Variants in FAM120B observed in about 807,000 individuals in gnomAD.
FAM120B encodes the protein constitutive coactivator of peroxisome proliferator-activated receptor gamma.
FAM120B carries 83 observed loss-of-function variants against 96.3 expected under a neutral mutation model. The ratio of observed to expected loss-of-function variants is 0.86; its 90% CI spans 0.72 to 1.03. The LOEUF is 1.03. FAM120B is among the 50% of genes least tolerant of loss of function. The pLI, the probability that FAM120B is intolerant of heterozygous loss-of-function variation, is 0.00. For synonymous variants in FAM120B, 407 were observed against 402.7 expected (o/e 1.01, Z -0.13); for missense variants, 1,027 against 1,121.2 (o/e 0.92, Z 1.20).
At chr6:170,402,545 C>G (rs1778642252) in intron 9 of FAM120B, among the ~76,000 whole-genome samples, 1 of 152,212 alleles carries the variant, frequency 6.6e-6, no homozygotes, top group South Asian at 2.1e-4. Flanking sequence ...CACGCGTGAC[C>G]AGGAGAGCAG....
At chr6:170,337,871 G>A (rs1786544821) in intron 4 of FAM120B, among the ~76,000 whole-genome samples, 1 of 152,074 alleles carries the variant, frequency 6.6e-6, no homozygotes, top group East Asian at 1.9e-4. Context: ...GCGATCAGTG[G>A]TGATATCCCC....
intron 7 of FAM120B, among the ~76,000 whole-genome samples, chr6:170,389,601 C>T (rs1468496908): frequency 6.6e-6 from 1 of 152,004 alleles, no homozygotes; most frequent in East Asian, 1.9e-4. Context: ...CTCTGTTGCC[C>T]AGCCTGGAAT....
chr6:170,309,909 T>C (rs555199674), intron 1 of FAM120B, among the ~76,000 whole-genome samples: 24 of 152,366 alleles, frequency 1.6e-4, no homozygotes, highest in African/African-American at 5.8e-4. Context: ...TGCTCTCAAG[T>C]GACCATTTAG....
chr6:170,356,231 T>A (rs760801255), intron 5 of FAM120B, among the ~76,000 whole-genome samples: 25 of 152,178 alleles, frequency 1.6e-4, no homozygotes, highest in Non-Finnish European at 3.4e-4. Context: ...TTAAGTAAAA[T>A]CTCTGTAGTG....
rs767107834 is a variant in FAM120B, at chr6:170,317,371, T to A, written c.-20T>A. The A allele has an allele frequency of 3.8e-6, 6 of 1,594,322 alleles. No homozygotes were observed. The highest frequency in any genetic ancestry group is 4.3e-6 in the Non-Finnish European group (5 of 1,164,982). Reference sequence around the variant, plus strand: ...TGATTAATTTATCTTTCTTTCCAGATCCTTTCCCGGAGTTCAGTTATGGGT... The same window carrying A: ...TGATTAATTTATCTTTCTTTCCAGAACCTTTCCCGGAGTTCAGTTATGGGT... On this transcript the variant is annotated splice_region_variant and 5_prime_UTR_variant, in exon 2 of 11. Coordinates refer to ENST00000476287, the MANE Select transcript of FAM120B (RefSeq NM_032448.3).
At chr6:170,358,168 G>A in intron 5 of FAM120B, 58 bp from the exon 6 acceptor site, 3 of 1,397,310 alleles carry the variant, frequency 2.1e-6, no homozygotes, top group Admixed American at 3.9e-5. Context: ...AGATCAATTT[G>A]TAAGAAATGT....
upstream of FAM120B, among the ~76,000 whole-genome samples, chr6:170,291,636 C>G (rs540153096): frequency 6.6e-6 from 1 of 152,160 alleles, no homozygotes; most frequent in Non-Finnish European, 1.5e-5. Flanking sequence ...TGGGGAGGTC[C>G]GAGGCGGGGA....
At chr6:170,374,979 T>G (rs1283660611) in intron 6 of FAM120B, among the ~76,000 whole-genome samples, 1 of 152,252 alleles carries the variant, frequency 6.6e-6, no homozygotes, top group Non-Finnish European at 1.5e-5. Flanking sequence ...TGTTGGTGAC[T>G]GAGCTGAACC....
At chr6:170,305,595 T>C (rs1456071414), upstream of FAM120B, among the ~76,000 whole-genome samples, 1 of 152,264 alleles carries the variant, frequency 6.6e-6, no homozygotes, top group Non-Finnish European at 1.5e-5. Flanking sequence ...CCAGGGCTTA[T>C]AGCTGCCTTG....
intron 9 of FAM120B, among the ~76,000 whole-genome samples, chr6:170,397,084 C>T (rs1006710342): frequency 2.4e-4 from 36 of 152,208 alleles, no homozygotes; most frequent in African/African-American, 8.7e-4. Flanking sequence ...TGGGGGCTCC[C>T]CGTGGGCTGG....
At chr6:170,382,121 C>CA (rs897252442) in intron 6 of FAM120B, among the ~76,000 whole-genome samples, 27 of 152,020 alleles carry the variant, frequency 1.8e-4, no homozygotes, top group Admixed American at 9.8e-4. Context: ...AAGGAATCTA[C>CA]AAAAAAAACT....
chr6:170,303,888 C>T (rs1339324242), upstream of FAM120B, among the ~76,000 whole-genome samples: 1 of 152,180 alleles, frequency 6.6e-6, no homozygotes, highest in African/African-American at 2.4e-5. Flanking sequence ...CTAGCTATTA[C>T]TTATCATCAT....
chr6:170,301,097 G>A (rs943800368), intron 1 of FAM120B, among the ~76,000 whole-genome samples: 1 of 152,260 alleles, frequency 6.6e-6, no homozygotes, highest in African/African-American at 2.4e-5. Flanking sequence ...TGCCCTAGCA[G>A]AGCTTCTCCA....
chr6:170,353,911 G>GA (rs1301544848), intron 5 of FAM120B, among the ~76,000 whole-genome samples: 1 of 152,108 alleles, frequency 6.6e-6, no homozygotes, highest in Non-Finnish European at 1.5e-5. Flanking sequence ...CACAGAATTA[G>GA]AAAAAACTAT....
intron 6 of FAM120B, among the ~76,000 whole-genome samples, chr6:170,375,148 T>G (rs1355441867): frequency 1.9e-4 from 29 of 152,238 alleles, no homozygotes; most frequent in Admixed American, 1.9e-3. Flanking sequence ...GTGGTTAAAG[T>G]GTTCATATGA....
At chr6:170,341,282 TG>T (rs1297503830) in intron 4 of FAM120B, among the ~76,000 whole-genome samples, 5 of 152,214 alleles carry the variant, frequency 3.3e-5, no homozygotes, top group Non-Finnish European at 5.9e-5. Context: ...CCAAACTTCC[TG>T]GCCTCCCAGC....
At chr6:170,339,316 T>A (rs1786655398) in intron 4 of FAM120B, among the ~76,000 whole-genome samples, 2 of 152,138 alleles carry the variant, frequency 1.3e-5, no homozygotes. Context: ...TGCAGAAGAA[T>A]TTTCTTTATA....
intron 1 of FAM120B, among the ~76,000 whole-genome samples, chr6:170,307,463 A>G (rs1784361105): frequency 6.6e-6 from 1 of 152,188 alleles, no homozygotes; most frequent in Non-Finnish European, 1.5e-5. Context: ...TGATTTGCCC[A>G]GGAGGGTCCA....
chr6:170,388,855 G>A (rs1309301844), intron 7 of FAM120B, among the ~76,000 whole-genome samples: 1 of 152,172 alleles, frequency 6.6e-6, no homozygotes. Context: ...TTACTACAAA[G>A]AGCCTACTGT....
Sources: gnomAD v4.1 joint callset for allele counts (sites outside exome capture counted in the v4.1 genomes callset) on GRCh38, gnomAD v4.1.1 for gene constraint, MANE v1.5 for transcripts, NCBI Gene and HGNC (gene_info 2026-07-23, HGNC 2026-07-21) for gene names.